The following SLC2A9 variants were observed in gnomAD, a reference collection of about 807,000 sequenced individuals.
SLC2A9 encodes the protein solute carrier family 2, facilitated glucose transporter member 9.
In SLC2A9, 39 loss-of-function variants were observed where a neutral mutation model predicts 50.6. The observed-to-expected ratio is 0.77, with a 90% CI of 0.60 to 1.01. SLC2A9 has a LOEUF of 1.01. Among genes scored for constraint, SLC2A9 ranks in the 50% least tolerant of loss-of-function variants. The probability of loss-of-function intolerance (pLI) is 0.00; values close to 1 mark genes in which losing one functional copy is unlikely to be tolerated. For missense variants in SLC2A9, 686 were observed against 677.6 expected, an observed-to-expected ratio of 1.01 and a Z score of -0.14; for synonymous variants, 324 against 276.9, an observed-to-expected ratio of 1.17 and a Z score of -1.69.
chr4:10,000,760 A>C (rs1759646952), intron 2 of SLC2A9, among the ~76,000 whole-genome samples: 2 of 152,156 alleles, frequency 1.3e-5, no homozygotes, highest in African/African-American at 4.8e-5. Flanking sequence ...CCCTTACTAA[A>C]CCAGTGTGGA....
chr4:9,987,015 G>A (rs1211011113), intron 3 of SLC2A9, among the ~76,000 whole-genome samples: 1 of 152,144 alleles, frequency 6.6e-6, no homozygotes, highest in Non-Finnish European at 1.5e-5. Flanking sequence ...CTTTGCATTA[G>A]TAGCTCATTT....
At chr4:9,967,524 AAAGT>A (rs1173856594) in intron 5 of SLC2A9, among the ~76,000 whole-genome samples, 8 of 151,986 alleles carry the variant, frequency 5.3e-5, no homozygotes, top group East Asian at 1.9e-4. Context: ...ATGTACCAAA[AAAGT>A]AAGAACTGTT....
chr4:9,962,198 C>T (rs962872846), intron 5 of SLC2A9, among the ~76,000 whole-genome samples: 1 of 152,058 alleles, frequency 6.6e-6, no homozygotes, highest in Non-Finnish European at 1.5e-5. Flanking sequence ...ACCATTTGAC[C>T]CAGCAATCCC....
intron 9 of SLC2A9, among the ~76,000 whole-genome samples, chr4:9,889,288 CG>C: frequency 6.6e-6 from 1 of 152,032 alleles, no homozygotes; most frequent in Non-Finnish European, 1.5e-5. Context: ...GAGGAGCTGC[CG>C]GGGGCAGGGT....
intron 10 of SLC2A9, among the ~76,000 whole-genome samples, chr4:9,865,647 G>T (rs1372129525): frequency 6.6e-6 from 1 of 152,218 alleles, no homozygotes; most frequent in Admixed American, 6.5e-5. Flanking sequence ...TGGAGGCTTA[G>T]GGAGGCTGGT....
At chr4:9,775,832 A>G (rs892225685), downstream of SLC2A9, among the ~76,000 whole-genome samples, 2 of 152,190 alleles carry the variant, frequency 1.3e-5, no homozygotes, top group Non-Finnish European at 2.9e-5. Context: ...TCTTTATAGC[A>G]ATGCAAGGAT....
At chr4:9,958,504 T>A (rs1751696560) in intron 5 of SLC2A9, among the ~76,000 whole-genome samples, 1 of 152,086 alleles carries the variant, frequency 6.6e-6, no homozygotes, top group African/African-American at 2.4e-5. Flanking sequence ...AGGTGAGGCC[T>A]AAGGGAGAAA....
intron 5 of SLC2A9, among the ~76,000 whole-genome samples, chr4:9,964,914 C>T (rs984839728): frequency 3.3e-5 from 5 of 152,166 alleles, no homozygotes; most frequent in Non-Finnish European, 7.4e-5. Flanking sequence ...CCCACTGCCT[C>T]CCTGCTGCAG....
At chr4:10,026,123 T>G, upstream of SLC2A9, 1 of 694,856 alleles carries the variant, frequency 1.4e-6, no homozygotes. Flanking sequence ...CTGGCTGGGA[T>G]GCCAGGATAG....
chr4:9,852,503 C>T (rs1340926634), intron 10 of SLC2A9, among the ~76,000 whole-genome samples: 2 of 152,082 alleles, frequency 1.3e-5, no homozygotes, highest in African/African-American at 2.4e-5. Flanking sequence ...CCACCCGCCT[C>T]GGCCTCCCAA....
intron 3 of SLC2A9, chr4:9,782,449 GGCCATCTCCAGGCCCTTCCGCTACAAGC>G: frequency 6.2e-7 from 1 of 1,613,964 alleles, no homozygotes; most frequent in Non-Finnish European, 8.5e-7. Flanking sequence ...ACCGCTACTG[GGCCATCTCCAGGCCCTTCCGCTACAAGC>G]GCAAGATGAC....
At chr4:10,025,769 C>T, upstream of SLC2A9, 1 of 796,454 alleles carries the variant, frequency 1.3e-6, no homozygotes, top group Non-Finnish European at 2.1e-6. Flanking sequence ...TAGAACTTGG[C>T]TTTCAGCTGC....
chr4:9,773,823 C>G (rs1388122761), intron 1 of SLC2A9, among the ~76,000 whole-genome samples: 10 of 152,128 alleles, frequency 6.6e-5, no homozygotes, highest in Admixed American at 2.0e-4. Context: ...AGGACACCCA[C>G]TACTTACTCA....
intron 5 of SLC2A9, among the ~76,000 whole-genome samples, chr4:9,953,926 C>T (rs908146881): frequency 6.6e-6 from 1 of 152,236 alleles, no homozygotes; most frequent in Non-Finnish European, 1.5e-5. Context: ...TCTCCTGCCT[C>T]AGCCTCCCGA....
intron 10 of SLC2A9, among the ~76,000 whole-genome samples, chr4:9,835,971 C>T (rs766136640): frequency 1.8e-4 from 27 of 150,524 alleles, no homozygotes; most frequent in Non-Finnish European, 3.4e-4. Context: ...CTTGTTATCC[C>T]GGCTACTCGA....
At chr4:9,864,314 T>C (rs1242181379) in intron 10 of SLC2A9, among the ~76,000 whole-genome samples, 1 of 150,500 alleles carries the variant, frequency 6.6e-6, no homozygotes, top group Non-Finnish European at 1.5e-5. Flanking sequence ...GACACTCATG[T>C]CCCCAAAGCT....
At chr4:9,924,313 C>A (rs1164953052) in intron 6 of SLC2A9, among the ~76,000 whole-genome samples, 8 of 152,334 alleles carry the variant, frequency 5.3e-5, no homozygotes, top group African/African-American at 1.9e-4. Flanking sequence ...TGCCTCTCCG[C>A]CTGCGGCTTT....
chr4:9,952,048 G>C lies in SLC2A9; in HGVS notation c.682-10003C>G, dbSNP rs376567879. Among the ~76,000 whole-genome samples the C allele has an allele frequency of 1.7e-4, 26 of 152,348 alleles. No homozygotes were observed. In the South Asian group the frequency reaches 5.4e-3, roughly 32 times the overall value. On this transcript the variant is annotated intron_variant, in intron 5 of 11. Coordinates refer to ENST00000264784, the MANE Select transcript of SLC2A9 (RefSeq NM_020041.3). ...TGCCCTCTGGAGTTGGCCCACCTCT[G>C]AGGTTGGGTCCTGAACCCTGGTCCT...
intron 7 of SLC2A9, among the ~76,000 whole-genome samples, chr4:9,916,952 C>T (rs1158042607): frequency 1.3e-5 from 2 of 152,218 alleles, no homozygotes; most frequent in African/African-American, 4.8e-5. Context: ...TGATAAGATG[C>T]AGCCTCCATC....
Sources: allele counts gnomAD v4.1 joint callset (sites outside exome capture counted in the v4.1 genomes callset), GRCh38; gene constraint gnomAD v4.1.1; transcripts MANE v1.5; gene names NCBI Gene and HGNC (gene_info 2026-07-23, HGNC 2026-07-21).